Variants in TRIO observed in about 807,000 individuals in gnomAD.
TRIO encodes triple functional domain protein.
TRIO carries 58 observed loss-of-function variants against 351.9 expected under a neutral mutation model. The ratio of observed to expected loss-of-function variants is 0.16; its 90% CI spans 0.13 to 0.21. The LOEUF is 0.21. Among genes scored for constraint, TRIO ranks in the 10% least tolerant of loss-of-function variants. The probability of loss-of-function intolerance (pLI) is 1.00; values close to 1 mark genes in which losing one functional copy is unlikely to be tolerated. For missense variants in TRIO, 3,201 were observed against 4,027.8 expected, an observed-to-expected ratio of 0.79 and a Z score of 5.56; for synonymous variants, 1,758 against 1,595.7, an observed-to-expected ratio of 1.10 and a Z score of -2.42.
chr5:14,372,624 C>A (rs1210151605), intron 18 of TRIO, among the ~76,000 whole-genome samples: 2 of 152,126 alleles, frequency 1.3e-5, no homozygotes, highest in African/African-American at 4.8e-5. Flanking sequence ...CTTGCTTGAT[C>A]CTTTTTATTT....
At chr5:14,241,833 G>C (rs1214472801) in intron 1 of TRIO, among the ~76,000 whole-genome samples, 1 of 152,160 alleles carries the variant, frequency 6.6e-6, no homozygotes, top group Non-Finnish European at 1.5e-5. Context: ...GCCTGTCGGT[G>C]CCAAAGATGT....
At chr5:14,395,098 G>T (rs1471827624) in intron 28 of TRIO, among the ~76,000 whole-genome samples, 4 of 152,196 alleles carry the variant, frequency 2.6e-5, no homozygotes, top group Admixed American at 2.6e-4. Context: ...AGAAGATGGA[G>T]TTACAAATGC....
intron 34 of TRIO, 47 bp from the exon 35 acceptor site, chr5:14,460,972 G>A (rs2126495605): frequency 6.8e-7 from 1 of 1,474,708 alleles, no homozygotes; most frequent in East Asian, 2.5e-5. Context: ...CTTCACACCG[G>A]AGGGTCTGTG....
intron 1 of TRIO, among the ~76,000 whole-genome samples, chr5:14,215,145 A>G (rs977311798): frequency 2.0e-5 from 3 of 152,254 alleles, no homozygotes; most frequent in African/African-American, 7.2e-5. Context: ...TTCTGTACTG[A>G]TAAAGATGAT....
At chr5:14,207,251 A>C in intron 1 of TRIO, among the ~76,000 whole-genome samples, 1 of 144,334 alleles carries the variant, frequency 6.9e-6, no homozygotes, top group Non-Finnish European at 1.5e-5. Flanking sequence ...GCAACATAGC[A>C]AGATGGTCTC....
intron 1 of TRIO, among the ~76,000 whole-genome samples, chr5:14,197,683 TCAGA>T (rs1790864224): frequency 6.6e-6 from 1 of 152,196 alleles, no homozygotes; most frequent in African/African-American, 2.4e-5. Flanking sequence ...GACTCCTGGG[TCAGA>T]CAGAGGACTT....
intron 32 of TRIO, 136 bp from the exon 33 acceptor site, chr5:14,406,437 C>G (rs1579564081): frequency 3.7e-6 from 3 of 801,364 alleles, no homozygotes; most frequent in South Asian, 1.5e-5. Flanking sequence ...TGAAGGGTGC[C>G]TTAACCATTG....
At chr5:14,389,582 A>G (rs1746868597) in intron 25 of TRIO, among the ~76,000 whole-genome samples, 184 bp downstream of exon 25, 1 of 152,174 alleles carries the variant, frequency 6.6e-6, no homozygotes, top group African/African-American at 2.4e-5. Flanking sequence ...TACAGACTCA[A>G]CTTTATGTTT....
At chr5:14,203,824 G>T (rs895984421) in intron 1 of TRIO, among the ~76,000 whole-genome samples, 1 of 152,190 alleles carries the variant, frequency 6.6e-6, no homozygotes, top group Non-Finnish European at 1.5e-5. Flanking sequence ...GAAAGGGGTG[G>T]GGGTGGGCTG....
At chr5:14,230,104 A>G (rs1303833204) in intron 1 of TRIO, among the ~76,000 whole-genome samples, 2 of 152,114 alleles carry the variant, frequency 1.3e-5, no homozygotes, top group African/African-American at 4.8e-5. Flanking sequence ...CCTATTGGCA[A>G]CTCATATATT....
intron 1 of TRIO, among the ~76,000 whole-genome samples, chr5:14,246,212 C>G (rs1300055016): frequency 6.6e-6 from 1 of 152,118 alleles, no homozygotes; most frequent in East Asian, 1.9e-4. Context: ...GAAAATAAAA[C>G]ATAATTATAA....
At chr5:14,185,172 TTCTC>T (rs1790032107) in intron 1 of TRIO, among the ~76,000 whole-genome samples, 1 of 121,238 alleles carries the variant, frequency 8.2e-6, no homozygotes, top group Admixed American at 9.7e-5. Flanking sequence ...CCCACCACCA[TTCTC>T]TCTCTCCTTT....
intron 26 of TRIO, 60 bp downstream of exon 26, chr5:14,390,360 G>A (rs1746960440): frequency 2.7e-6 from 4 of 1,502,212 alleles, no homozygotes; most frequent in Admixed American, 1.8e-5. Flanking sequence ...AAGGAAGTTA[G>A]GAGGGATGGT....
chr5:14,367,121 C>T, intron 16 of TRIO, 142 bp downstream of exon 16: 1 of 1,167,066 alleles, frequency 8.6e-7, no homozygotes, highest in Non-Finnish European at 1.2e-6. Context: ...ATTGGCAACG[C>T]TTCTAAGTCT....
intron 8 of TRIO, among the ~76,000 whole-genome samples, chr5:14,309,801 C>T (rs918953237): frequency 6.6e-6 from 1 of 152,100 alleles, no homozygotes; most frequent in Non-Finnish European, 1.5e-5. Flanking sequence ...GCTTGCTTTG[C>T]TTTTTTTTAT....
intron 1 of TRIO, among the ~76,000 whole-genome samples, chr5:14,211,620 A>G (rs1450425354): frequency 7.4e-6 from 1 of 134,450 alleles, no homozygotes; most frequent in Non-Finnish European, 1.5e-5. Flanking sequence ...TAAATTTAAG[A>G]TCTGTTCTTT....
At chr5:14,252,815 C>T (rs963254783) in intron 1 of TRIO, among the ~76,000 whole-genome samples, 7 of 151,902 alleles carry the variant, frequency 4.6e-5, no homozygotes, top group African/African-American at 9.7e-5. Flanking sequence ...GCCTTCCTGC[C>T]TCCCTAGGTG....
At chr5:14,358,966 T>C (rs1256208811) in intron 12 of TRIO, among the ~76,000 whole-genome samples, 2 of 152,240 alleles carry the variant, frequency 1.3e-5, no homozygotes, top group East Asian at 3.8e-4. Context: ...AGTTACTTAA[T>C]AAAGGCTTAA....
chr5:14,254,613 G>T (rs182612919), intron 1 of TRIO, among the ~76,000 whole-genome samples: 1 of 152,128 alleles, frequency 6.6e-6, no homozygotes, highest in Non-Finnish European at 1.5e-5. Flanking sequence ...CTGTTCTCCC[G>T]CGAGAAAGGC....
Sources: allele counts gnomAD v4.1 joint callset (sites outside exome capture counted in the v4.1 genomes callset), GRCh38; gene constraint gnomAD v4.1.1; transcripts MANE v1.5; gene names NCBI Gene and HGNC (gene_info 2026-07-23, HGNC 2026-07-21).